Variants in CLMN observed in about 807,000 individuals in gnomAD.
CLMN encodes calmin (calponin-like, transmembrane).
In CLMN, 57 loss-of-function variants were observed where a neutral mutation model predicts 92.7. The observed-to-expected ratio is 0.61, with a 90% CI of 0.50 to 0.77. The LOEUF (loss-of-function observed/expected upper bound fraction) is 0.77. CLMN is among the 30% of genes least tolerant of loss of function. The pLI is 0.00. For missense variants in CLMN, 1,158 were observed against 1,237.5 expected (o/e 0.94, Z 0.96); for synonymous variants, 466 against 470.6 (o/e 0.99, Z 0.13).
At chr14:95,213,863 C>T (rs900588746) in intron 5 of CLMN, among the ~76,000 whole-genome samples, 3 of 152,120 alleles carry the variant, frequency 2.0e-5, no homozygotes, top group African/African-American at 7.2e-5. Context: ...TATGCAGAAC[C>T]CTAGGCTCTA....
At chr14:95,290,009 T>A (rs111989689) in intron 1 of CLMN, among the ~76,000 whole-genome samples, 1 of 152,196 alleles carries the variant, frequency 6.6e-6, no homozygotes, top group Non-Finnish European at 1.5e-5. Context: ...CAAGGCAAAG[T>A]GTCCATTCTT....
intron 1 of CLMN, 140 bp downstream of exon 1, chr14:95,319,571 G>A (rs1566930618): frequency 2.9e-6 from 2 of 697,354 alleles, no homozygotes; most frequent in Non-Finnish European, 2.3e-6. Context: ...TCCAACCCCA[G>A]CCTCCCACCT....
At chr14:95,300,154 C>T (rs547222476) in intron 1 of CLMN, among the ~76,000 whole-genome samples, 2 of 152,306 alleles carry the variant, frequency 1.3e-5, no homozygotes, top group Admixed American at 1.3e-4. Flanking sequence ...ACTCCATGGG[C>T]ACCACTGGGT....
chr14:95,288,076 C>T lies in CLMN; in HGVS notation c.82+31635G>A, dbSNP rs187978108. Reference sequence around the variant, plus strand: ...GTCAAGTAACCTGTCTAAGATCTCACAACCACAGCATAGTGGGGCCTGGAA... The same window carrying T: ...GTCAAGTAACCTGTCTAAGATCTCATAACCACAGCATAGTGGGGCCTGGAA... On this transcript the variant is annotated intron_variant, in intron 1 of 12. Coordinates refer to ENST00000298912, the MANE Select transcript of CLMN (RefSeq NM_024734.4). Among the ~76,000 whole-genome samples the T allele has an allele frequency of 1.9e-3, 292 of 152,328 alleles. 1 individual carries two copies. The highest frequency in any genetic ancestry group is 3.1e-3 in the Non-Finnish European group (209 of 68,038).
intron 1 of CLMN, among the ~76,000 whole-genome samples, chr14:95,298,035 C>A (rs1900884178): frequency 6.6e-6 from 1 of 152,200 alleles, no homozygotes; most frequent in Non-Finnish European, 1.5e-5. Context: ...CCCAGCAGCA[C>A]ACGAGAGCTC....
chr14:95,240,285 T>C (rs1256154689), intron 1 of CLMN, among the ~76,000 whole-genome samples: 1 of 152,212 alleles, frequency 6.6e-6, no homozygotes. Context: ...CCCTACTTCC[T>C]TCTCCTTTCT....
chr14:95,262,020 T>C (rs1431534695), intron 1 of CLMN, among the ~76,000 whole-genome samples: 1 of 152,256 alleles, frequency 6.6e-6, no homozygotes, highest in Non-Finnish European at 1.5e-5. Context: ...GGCCTGGCTG[T>C]GCCTGGCTGA....
intron 1 of CLMN, among the ~76,000 whole-genome samples, chr14:95,245,859 G>C (rs907655142): frequency 7.2e-6 from 1 of 139,806 alleles, no homozygotes; most frequent in Non-Finnish European, 1.5e-5. Flanking sequence ...TTGCTGGATG[G>C]ATGGATGCAT....
In CLMN at chr14:95,183,142, A is replaced by C. The variant is rs184514888; in HGVS notation, c.*8422T>G. 1 of 152,380 alleles carries C rather than the reference A, an allele frequency of 6.6e-6. No homozygotes were observed. Among genetic ancestry groups the C allele is most frequent in the East Asian group, 1.9e-4 (1 of 5,190 alleles). 9.4% of individuals were successfully genotyped at this position (152,380 alleles called of 1,614,324 possible). On this transcript the variant is annotated 3_prime_UTR_variant, in exon 13 of 13. Transcript: ENST00000298912. ...ACTTCCAACCCAGAGAGGTAAATTC[A>C]AGGCATCTGCAGGTGAGCCACAGCT...
At chr14:95,268,787 T>A (rs1327148731) in intron 1 of CLMN, among the ~76,000 whole-genome samples, 4 of 127,750 alleles carry the variant, frequency 3.1e-5, no homozygotes, top group African/African-American at 1.3e-4. Context: ...CCTCTCTCTC[T>A]CTCTCTCTTT....
intron 1 of CLMN, among the ~76,000 whole-genome samples, chr14:95,238,019 G>A (rs1456332650): frequency 2.6e-5 from 4 of 152,200 alleles, no homozygotes; most frequent in African/African-American, 4.8e-5. Flanking sequence ...CTTGAGCCAA[G>A]TGAGGCGGCC....
intron 1 of CLMN, among the ~76,000 whole-genome samples, chr14:95,233,042 G>T (rs894208058): frequency 1.3e-5 from 2 of 152,142 alleles, no homozygotes; most frequent in African/African-American, 4.8e-5. Flanking sequence ...CTTCCAAATT[G>T]CCCTCCCACA....
intron 1 of CLMN, among the ~76,000 whole-genome samples, chr14:95,258,152 C>T (rs779937939): frequency 4.6e-5 from 7 of 150,666 alleles, no homozygotes; most frequent in Non-Finnish European, 1.0e-4. Flanking sequence ...ATATGATATG[C>T]GTGTAGTGTT....
chr14:95,308,379 C>G (rs1301563458), intron 1 of CLMN, among the ~76,000 whole-genome samples: 2 of 152,172 alleles, frequency 1.3e-5, no homozygotes, highest in Non-Finnish European at 2.9e-5. Flanking sequence ...TCTCTAGCAC[C>G]ACCTGGTCCT....
At chr14:95,235,572 G>A (rs1207573825) in intron 1 of CLMN, among the ~76,000 whole-genome samples, 2 of 152,036 alleles carry the variant, frequency 1.3e-5, no homozygotes, top group East Asian at 1.9e-4. Context: ...TGGGCACTGG[G>A]CCAAAAAATG....
At chr14:95,214,960 C>T (rs764518415) in intron 5 of CLMN, among the ~76,000 whole-genome samples, 72 of 152,146 alleles carry the variant, frequency 4.7e-4, no homozygotes, top group Non-Finnish European at 7.6e-4. Context: ...CAGCTCTCTC[C>T]TTCTGACAGG....
intron 1 of CLMN, among the ~76,000 whole-genome samples, chr14:95,287,610 T>C (rs974762212): frequency 1.3e-5 from 2 of 152,224 alleles, no homozygotes; most frequent in African/African-American, 4.8e-5. Context: ...AGCCTGAGAA[T>C]CTGCAGTTGC....
intron 1 of CLMN, among the ~76,000 whole-genome samples, chr14:95,296,783 G>C (rs1414329233): frequency 6.6e-6 from 1 of 152,190 alleles, no homozygotes; most frequent in African/African-American, 2.4e-5. Context: ...CAGATAATCT[G>C]ATGCACAGCG....
At chr14:95,200,218 T>G (rs1260418478) in intron 9 of CLMN, among the ~76,000 whole-genome samples, 1 of 152,130 alleles carries the variant, frequency 6.6e-6, no homozygotes, top group Non-Finnish European at 1.5e-5. Context: ...GCAGCCTTTC[T>G]GGATCTGGGT....
Sources: gnomAD v4.1 joint callset for allele counts (sites outside exome capture counted in the v4.1 genomes callset) on GRCh38, gnomAD v4.1.1 for gene constraint, MANE v1.5 for transcripts, NCBI Gene and HGNC (gene_info 2026-07-23, HGNC 2026-07-21) for gene names.